Variants in MDGA2 observed in about 807,000 individuals in gnomAD.
The protein encoded by MDGA2 is MAM domain-containing glycosylphosphatidylinositol anchor protein 2.
MDGA2 carries 40 observed loss-of-function variants against 117.8 expected under a neutral mutation model. That is an observed-to-expected ratio of 0.34 (90% confidence interval 0.26 to 0.44). MDGA2 has a LOEUF of 0.44. Ranked by LOEUF, MDGA2 falls within the 20% of genes least tolerant of loss-of-function variation. The pLI is 1.00. For synonymous variants in MDGA2, 452 were observed against 439.0 expected (o/e 1.03, Z -0.37); for missense variants, 1,123 against 1,250.6 (o/e 0.90, Z 1.54).
chr14:47,494,044 G>A (rs1034247123), intron 1 of MDGA2, among the ~76,000 whole-genome samples: 9 of 152,098 alleles, frequency 5.9e-5, no homozygotes, highest in African/African-American at 2.2e-4. Flanking sequence ...AGATCTGATG[G>A]TTTTATAAGG....
intron 1 of MDGA2, among the ~76,000 whole-genome samples, chr14:47,496,427 A>T (rs1185140618): frequency 1.3e-5 from 2 of 152,040 alleles, no homozygotes; most frequent in African/African-American, 4.8e-5. Flanking sequence ...ATATTTTTGT[A>T]GAAATGGGGT....
chr14:47,102,554 G>A (rs1880399531), intron 5 of MDGA2, among the ~76,000 whole-genome samples: 1 of 151,992 alleles, frequency 6.6e-6, no homozygotes, highest in African/African-American at 2.4e-5. Flanking sequence ...TGAAGAAGCA[G>A]AAAAGGGCAA....
chr14:47,087,928 A>G (rs1167713475), intron 6 of MDGA2, among the ~76,000 whole-genome samples: 1 of 151,996 alleles, frequency 6.6e-6, no homozygotes, highest in African/African-American at 2.4e-5. Flanking sequence ...GAGCACTACT[A>G]TCATTTTTAA....
intron 2 of MDGA2, among the ~76,000 whole-genome samples, chr14:47,243,483 C>T (rs188402665): frequency 1.6e-4 from 25 of 151,772 alleles, no homozygotes; most frequent in Admixed American, 1.5e-3. Flanking sequence ...TTTGGGTCCA[C>T]GCTGCTTTTA....
intron 2 of MDGA2, among the ~76,000 whole-genome samples, chr14:47,237,601 T>C (rs549717193): frequency 6.6e-6 from 1 of 152,302 alleles, no homozygotes; most frequent in South Asian, 2.1e-4. Context: ...TATACGAATA[T>C]ATCTGTTCGT....
intron 1 of MDGA2, among the ~76,000 whole-genome samples, chr14:47,302,765 C>T (rs1889324029): frequency 1.3e-5 from 2 of 152,196 alleles, no homozygotes; most frequent in African/African-American, 2.4e-5. Flanking sequence ...TCAATATCTA[C>T]TATTTTGTTT....
chr14:46,929,165 C>T (rs1884440688), intron 9 of MDGA2, among the ~76,000 whole-genome samples: 1 of 152,052 alleles, frequency 6.6e-6, no homozygotes, highest in South Asian at 2.1e-4. Flanking sequence ...TAAAAAGTGT[C>T]TTTCTTAGGC....
rs114620331 is a variant in MDGA2, at chr14:46,925,327, A to G, written c.2090-5167T>C. On this transcript the variant is annotated intron_variant, in intron 9 of 16. Coordinates refer to ENST00000399232, the MANE Select transcript of MDGA2 (RefSeq NM_001113498.3). Reference sequence around the variant, plus strand: ...AAATAGTAAGATTAGACTTAAGATAATAGAAAAATAAAATAGAATTTAGGC... The same window carrying G: ...AAATAGTAAGATTAGACTTAAGATAGTAGAAAAATAAAATAGAATTTAGGC... 2.1e-3 allele frequency among the ~76,000 whole-genome samples: 320 copies of G among 152,190 alleles called. 2 individuals carry two copies. Among genetic ancestry groups the G allele is most frequent in the African/African-American group, 7.4e-3 (309 of 41,556 alleles).
At chr14:47,227,628 A>G (rs969795805) in intron 2 of MDGA2, among the ~76,000 whole-genome samples, 5 of 152,062 alleles carry the variant, frequency 3.3e-5, no homozygotes, top group Non-Finnish European at 7.3e-5. Flanking sequence ...CTCCAGCCCA[A>G]ATAACTGAGC....
At chr14:47,201,554 A>T (rs2139444386) in intron 3 of MDGA2, among the ~76,000 whole-genome samples, 1 of 152,276 alleles carries the variant, frequency 6.6e-6, no homozygotes, top group African/African-American at 2.4e-5. Flanking sequence ...CCTATGTTTC[A>T]CAATACTTGT....
chr14:46,939,550 C>G (rs1015827032), intron 9 of MDGA2, among the ~76,000 whole-genome samples: 1 of 152,112 alleles, frequency 6.6e-6, no homozygotes, highest in Non-Finnish European at 1.5e-5. Flanking sequence ...TATTTGGAAG[C>G]TTAATCTTTG....
At chr14:47,639,992 G>A (rs1897393363) in intron 1 of MDGA2, among the ~76,000 whole-genome samples, 1 of 152,144 alleles carries the variant, frequency 6.6e-6, no homozygotes, top group Non-Finnish European at 1.5e-5. Flanking sequence ...GTATATATCT[G>A]CTGAATGAAT....
At chr14:46,907,850 A>C (rs776266224) in intron 10 of MDGA2, among the ~76,000 whole-genome samples, 5 of 152,166 alleles carry the variant, frequency 3.3e-5, no homozygotes, top group Non-Finnish European at 5.9e-5. Flanking sequence ...TTTCTTCCTA[A>C]ATAAAAAGGA....
At chr14:47,536,951 G>GACATCTTTCTGTCTGTTCA (rs1895224497) in intron 1 of MDGA2, among the ~76,000 whole-genome samples, 1 of 152,108 alleles carries the variant, frequency 6.6e-6, no homozygotes, top group African/African-American at 2.4e-5. Context: ...CATAACAAAA[G>GACATCTTTCTGTCTGTTCA]AAGTAGACAT....
chr14:46,998,171 T>C (rs538864960), intron 8 of MDGA2, among the ~76,000 whole-genome samples: 1 of 152,076 alleles, frequency 6.6e-6, no homozygotes, highest in Non-Finnish European at 1.5e-5. Context: ...AGACCAGGCA[T>C]GGTGGCTCAC....
intron 9 of MDGA2, among the ~76,000 whole-genome samples, chr14:46,923,439 T>C (rs1884208478): frequency 1.3e-5 from 2 of 151,268 alleles, no homozygotes; most frequent in Non-Finnish European, 2.9e-5. Flanking sequence ...TCAAATACAA[T>C]AAGATCCGTT....
At chr14:47,072,105 G>GC (rs1487835170) in intron 6 of MDGA2, among the ~76,000 whole-genome samples, 3 of 137,198 alleles carry the variant, frequency 2.2e-5, no homozygotes, top group Middle Eastern at 3.6e-3. Context: ...GTTGTTTGGG[G>GC]GGGGGGGGGT....
At chr14:47,123,748 C>T (rs894944260) in intron 5 of MDGA2, among the ~76,000 whole-genome samples, 1 of 152,008 alleles carries the variant, frequency 6.6e-6, no homozygotes, top group Non-Finnish European at 1.5e-5. Flanking sequence ...ATAAAATGAT[C>T]ATGAACTTAT....
rs576571465 is a variant in MDGA2, at chr14:47,601,292, G to T, written c.280+73225C>A. On this transcript the variant is annotated intron_variant, in intron 1 of 16. Transcript: ENST00000399232. ...AGAGAGGCTGTTTGGAACAGCTGTGGTTATAGGGCAAGATAAAGGACTCCT... is the reference window on the plus strand; with the variant it reads ...AGAGAGGCTGTTTGGAACAGCTGTGTTTATAGGGCAAGATAAAGGACTCCT... 9.8e-4 allele frequency among the ~76,000 whole-genome samples: 149 copies of T among 152,170 alleles called. 1 individual carries two copies. Among genetic ancestry groups the T allele is most frequent in the African/African-American group, 3.4e-3 (142 of 41,530 alleles).
Sources: gnomAD v4.1 joint callset for allele counts (sites outside exome capture counted in the v4.1 genomes callset) on GRCh38, gnomAD v4.1.1 for gene constraint, MANE v1.5 for transcripts, NCBI Gene and HGNC (gene_info 2026-07-23, HGNC 2026-07-21) for gene names.